Variants in DNER observed in about 807,000 individuals in gnomAD.
DNER encodes delta/notch like EGF repeat containing, also known as delta and Notch-like epidermal growth factor-related receptor.
In DNER, 33 loss-of-function variants were observed where a neutral mutation model predicts 78.2. That is an observed-to-expected ratio of 0.42 (90% CI 0.32 to 0.56). DNER has a LOEUF of 0.56. DNER is among the 20% of genes least tolerant of loss of function. DNER has a pLI of 0.11. For synonymous variants in DNER, 417 were observed against 384.8 expected, an observed-to-expected ratio of 1.08 and a Z score of -0.98; for missense variants, 918 against 975.3, an observed-to-expected ratio of 0.94 and a Z score of 0.78.
intron 1 of DNER, among the ~76,000 whole-genome samples, chr2:229,665,801 C>A (rs930014241): frequency 2.0e-5 from 3 of 152,140 alleles, no homozygotes; most frequent in African/African-American, 7.2e-5. Context: ...TGATCTGGGT[C>A]TCCTTTCCAT....
At chr2:229,522,882 G>T (rs1178381598) in intron 5 of DNER, among the ~76,000 whole-genome samples, 2 of 152,250 alleles carry the variant, frequency 1.3e-5, no homozygotes, top group African/African-American at 4.8e-5. Flanking sequence ...CCTCCCAACA[G>T]CCTTCCAAAA....
chr2:229,533,988 T>A (rs1696356573), intron 5 of DNER, among the ~76,000 whole-genome samples: 1 of 152,232 alleles, frequency 6.6e-6, no homozygotes, highest in Non-Finnish European at 1.5e-5. Context: ...AAGCTCTGTA[T>A]AACTCAGTGA....
At chr2:229,570,624 CAA>C (rs11432946) in intron 4 of DNER, among the ~76,000 whole-genome samples, 2 of 140,554 alleles carry the variant, frequency 1.4e-5, no homozygotes. Context: ...AACTCCATCT[CAA>C]AAAAAAAAAA....
At chr2:229,543,073 A>G (rs751374465) in intron 5 of DNER, among the ~76,000 whole-genome samples, 1 of 152,204 alleles carries the variant, frequency 6.6e-6, no homozygotes, top group African/African-American at 2.4e-5. Context: ...GCAACACGGA[A>G]GGAGGAGGTG....
intron 6 of DNER, among the ~76,000 whole-genome samples, chr2:229,510,496 G>C (rs1049541827): frequency 6.6e-6 from 1 of 152,196 alleles, no homozygotes; most frequent in African/African-American, 2.4e-5. Context: ...TGAAGGTGTT[G>C]GCAGTGGGGC....
chr2:229,637,618 T>A (rs1392302626), intron 1 of DNER, among the ~76,000 whole-genome samples: 1 of 152,238 alleles, frequency 6.6e-6, no homozygotes, highest in South Asian at 2.1e-4. Flanking sequence ...TGCTCTAGCG[T>A]GTATCTCTTC....
chr2:229,648,781 C>T (rs1448655390), intron 1 of DNER, among the ~76,000 whole-genome samples: 5 of 152,160 alleles, frequency 3.3e-5, no homozygotes, highest in African/African-American at 9.7e-5. Context: ...TATCTATGAC[C>T]TGACACATTG....
chr2:229,697,695 C>T (rs1699682905), intron 1 of DNER, among the ~76,000 whole-genome samples: 1 of 152,208 alleles, frequency 6.6e-6, no homozygotes, highest in South Asian at 2.1e-4. Flanking sequence ...GAATAGAATA[C>T]AAGAACTCTC....
At chr2:229,604,968 T>C (rs188165144) in intron 1 of DNER, among the ~76,000 whole-genome samples, 2 of 152,268 alleles carry the variant, frequency 1.3e-5, no homozygotes, top group Admixed American at 1.3e-4. Flanking sequence ...ACCCACAAAT[T>C]GCACGTGTGT....
chr2:229,569,697 TTA>T (rs1697181478), intron 4 of DNER, among the ~76,000 whole-genome samples: 1 of 152,202 alleles, frequency 6.6e-6, no homozygotes, highest in Non-Finnish European at 1.5e-5. Flanking sequence ...TATTAGTTTT[TTA>T]TTTGTATTAT....
chr2:229,515,881 A>G (rs138094848), intron 5 of DNER, among the ~76,000 whole-genome samples: 2,331 of 152,186 alleles, frequency 0.015, 62 homozygotes, highest in African/African-American at 0.054. Flanking sequence ...CCTCAGGGTG[A>G]TCCTCCCGCC....
intron 5 of DNER, among the ~76,000 whole-genome samples, chr2:229,524,789 T>C (rs1434402502): frequency 6.6e-6 from 1 of 152,214 alleles, no homozygotes; most frequent in East Asian, 1.9e-4. Context: ...TGATCCCTTA[T>C]AGAGAGTCTC....
chr2:229,418,314 G>A (rs1364557611), intron 8 of DNER, 84 bp from the exon 9 acceptor site: 27 of 1,573,714 alleles, frequency 1.7e-5, no homozygotes, highest in Admixed American at 3.5e-5. Context: ...AGGCAGTTGG[G>A]GGTATTCATT....
At chr2:229,594,450 G>A (rs1176711839) in intron 1 of DNER, among the ~76,000 whole-genome samples, 1 of 152,170 alleles carries the variant, frequency 6.6e-6, no homozygotes, top group Non-Finnish European at 1.5e-5. Flanking sequence ...AGTCGGGCAT[G>A]GTGGTGGGCA....
At chr2:229,518,923 C>T (rs1228835683) in intron 5 of DNER, among the ~76,000 whole-genome samples, 1 of 151,220 alleles carries the variant, frequency 6.6e-6, no homozygotes, top group Non-Finnish European at 1.5e-5. Flanking sequence ...ATGTTTCATT[C>T]TCAAGAACGA....
At chr2:229,688,949 T>C (rs1699526954) in intron 1 of DNER, among the ~76,000 whole-genome samples, 1 of 151,968 alleles carries the variant, frequency 6.6e-6, no homozygotes, top group African/African-American at 2.4e-5. Flanking sequence ...TAAGAACATA[T>C]GGAACCAGGG....
intron 1 of DNER, among the ~76,000 whole-genome samples, chr2:229,653,723 G>A (rs182257461): frequency 1.4e-4 from 21 of 152,256 alleles, no homozygotes; most frequent in East Asian, 3.9e-4. Context: ...TTAAGTTTCC[G>A]TGAATCCATC....
intron 5 of DNER, among the ~76,000 whole-genome samples, chr2:229,522,009 G>A (rs985750206): frequency 1.3e-5 from 2 of 151,930 alleles, no homozygotes; most frequent in Non-Finnish European, 2.9e-5. Context: ...AATTGCAAAT[G>A]TTGTAGCTTA....
intron 10 of DNER, among the ~76,000 whole-genome samples, chr2:229,392,973 C>T (rs1693048911): frequency 6.6e-6 from 1 of 151,844 alleles, no homozygotes; most frequent in Non-Finnish European, 1.5e-5. Flanking sequence ...AGTCAAAAGA[C>T]ACAAATTCAG....
Sources: gnomAD v4.1 joint callset for allele counts (sites outside exome capture counted in the v4.1 genomes callset) on GRCh38, gnomAD v4.1.1 for gene constraint, MANE v1.5 for transcripts, NCBI Gene and HGNC (gene_info 2026-07-23, HGNC 2026-07-21) for gene names.